The following PCCA variants were observed in gnomAD, a reference collection of about 807,000 sequenced individuals.
PCCA encodes propionyl-CoA carboxylase subunit alpha.
Under a neutral mutation model 101.3 loss-of-function variants are expected in PCCA, and 74 were observed. The observed-to-expected ratio is 0.73, with a 90% confidence interval of 0.61 to 0.89. The LOEUF (loss-of-function observed/expected upper bound fraction) is 0.89, where lower values mean the gene tolerates loss of function less well. Ranked by LOEUF, PCCA falls within the 40% of genes least tolerant of loss-of-function variation. The pLI is 0.00. For synonymous variants in PCCA, 294 were observed against 313.6 expected (o/e 0.94, Z 0.66); for missense variants, 891 against 907.0 (o/e 0.98, Z 0.23).
chr13:100,214,433 G>C (rs79832329), intron 7 of PCCA, among the ~76,000 whole-genome samples: 1 of 143,750 alleles, frequency 7.0e-6, no homozygotes, highest in South Asian at 2.2e-4. Context: ...GTGTGTGTGT[G>C]TTTTTTTTTT....
chr13:100,487,342 T>A (rs879153489), intron 21 of PCCA, among the ~76,000 whole-genome samples: 4 of 152,060 alleles, frequency 2.6e-5, no homozygotes, highest in Admixed American at 2.6e-4. Flanking sequence ...ACACCATGAA[T>A]TTTTTTTAAC....
At chr13:100,124,670 T>C (rs1301594920) in intron 4 of PCCA, among the ~76,000 whole-genome samples, 3 of 152,094 alleles carry the variant, frequency 2.0e-5, no homozygotes, top group Non-Finnish European at 4.4e-5. Flanking sequence ...CTGAACAAAC[T>C]GGAGGGTAAT....
chr13:100,203,569 C>T (rs891341190), intron 6 of PCCA, among the ~76,000 whole-genome samples: 1 of 151,902 alleles, frequency 6.6e-6, no homozygotes, highest in South Asian at 2.1e-4. Context: ...TGGGGGGTGC[C>T]TGTAGTCCCA....
intron 18 of PCCA, among the ~76,000 whole-genome samples, chr13:100,341,573 AGAG>A: frequency 6.6e-6 from 1 of 152,292 alleles, no homozygotes; most frequent in East Asian, 1.9e-4. Context: ...GGCAACTCTA[AGAG>A]GCTTTCCACC....
chr13:100,515,616 C>T (rs376688700), intron 22 of PCCA, 49 bp downstream of exon 22: 1 of 1,606,350 alleles, frequency 6.2e-7, no homozygotes, highest in Non-Finnish European at 8.5e-7. Flanking sequence ...CTCCAACTTC[C>T]CCTTCCAAAG....
chr13:100,484,673 A>AT (rs545929488), intron 21 of PCCA, among the ~76,000 whole-genome samples: 67 of 152,376 alleles, frequency 4.4e-4, no homozygotes, highest in Admixed American at 3.5e-3. Flanking sequence ...ATATTAACAC[A>AT]TATCAAATAG....
At chr13:100,216,589 A>G (rs2059534668) in intron 7 of PCCA, among the ~76,000 whole-genome samples, 1 of 152,228 alleles carries the variant, frequency 6.6e-6, no homozygotes, top group African/African-American at 2.4e-5. Flanking sequence ...ATAATATTCT[A>G]GGAGATAAAT....
intron 19 of PCCA, among the ~76,000 whole-genome samples, chr13:100,407,790 A>C (rs1456121583): frequency 6.6e-6 from 1 of 152,164 alleles, no homozygotes; most frequent in Non-Finnish European, 1.5e-5. Flanking sequence ...CATACCTTGC[A>C]TGTAAATCTA....
intron 19 of PCCA, among the ~76,000 whole-genome samples, chr13:100,395,353 T>A (rs1230902740): frequency 2.0e-5 from 3 of 152,218 alleles, no homozygotes; most frequent in African/African-American, 7.2e-5. Flanking sequence ...GACTCAGCAC[T>A]GCGTAACTGT....
chr13:100,357,029 C>T (rs1407605129), intron 18 of PCCA, among the ~76,000 whole-genome samples: 1 of 152,114 alleles, frequency 6.6e-6, no homozygotes, highest in East Asian at 1.9e-4. Context: ...ATAACAGTTG[C>T]TTAGGGCTGA....
chr13:100,295,509 A>G (rs1459236389), intron 12 of PCCA, among the ~76,000 whole-genome samples: 1 of 152,262 alleles, frequency 6.6e-6, no homozygotes, highest in Non-Finnish European at 1.5e-5. Context: ...ATTTAAAAGA[A>G]CATTATTTTG....
intron 19 of PCCA, among the ~76,000 whole-genome samples, chr13:100,424,174 A>G (rs1410959550): frequency 2.0e-5 from 3 of 152,248 alleles, no homozygotes; most frequent in Non-Finnish European, 2.9e-5. Flanking sequence ...ATTAGGTATT[A>G]TAATTCAAAG....
Position 100,330,673 on chromosome 13 carries a change from T to A in PCCA, c.1540+2T>A, listed in dbSNP as rs1555422449. ...ATGTGTATCCTGATGGCTTCAAAGG[T>A]TTGTATGCATTAAAATATTTTAGTG... On this transcript the variant is annotated splice_donor_variant, in intron 17 of 23. Coordinates refer to ENST00000376285, the MANE Select transcript of PCCA (RefSeq NM_000282.4). LOFTEE classifies it high-confidence loss of function. 1 of 1,474,188 alleles carries A rather than the reference T, an allele frequency of 6.8e-7. No individual in the cohort carries two copies. 91.3% of individuals were successfully genotyped at this position (1,474,188 alleles called of 1,614,324 possible).
At chr13:100,115,982 T>C (rs1425540934) in intron 4 of PCCA, among the ~76,000 whole-genome samples, 2 of 152,120 alleles carry the variant, frequency 1.3e-5, no homozygotes, top group Admixed American at 6.5e-5. Flanking sequence ...ATAATGATGG[T>C]GGGAATGTCA....
At chr13:100,410,054 C>A (rs573984587) in intron 19 of PCCA, among the ~76,000 whole-genome samples, 1 of 152,206 alleles carries the variant, frequency 6.6e-6, no homozygotes, top group Admixed American at 6.5e-5. Flanking sequence ...GCAACCATGC[C>A]CAGCCTGTCA....
At chr13:100,193,304 C>T (rs2057865937) in intron 6 of PCCA, among the ~76,000 whole-genome samples, 1 of 152,104 alleles carries the variant, frequency 6.6e-6, no homozygotes, top group Non-Finnish European at 1.5e-5. Flanking sequence ...TAGTGATGAC[C>T]ATTTATTTCC....
intron 18 of PCCA, among the ~76,000 whole-genome samples, chr13:100,356,057 T>C (rs2073927079): frequency 6.6e-6 from 1 of 152,136 alleles, no homozygotes; most frequent in Non-Finnish European, 1.5e-5. Context: ...GGCAATTGGA[T>C]ATGCACATGT....
intron 12 of PCCA, among the ~76,000 whole-genome samples, chr13:100,282,170 T>G (rs979216295): frequency 2.6e-4 from 39 of 152,248 alleles, no homozygotes; most frequent in African/African-American, 9.2e-4. Context: ...TGGGGGAAAT[T>G]AGCCCTTTGT....
chr13:100,339,088 C>T (rs2070928684), intron 17 of PCCA, among the ~76,000 whole-genome samples: 1 of 151,974 alleles, frequency 6.6e-6, no homozygotes. Context: ...TCCCCAGTGT[C>T]GTATTTACAT....
Sources: allele counts gnomAD v4.1 joint callset (sites outside exome capture counted in the v4.1 genomes callset), GRCh38; gene constraint gnomAD v4.1.1; transcripts MANE v1.5; gene names NCBI Gene and HGNC (gene_info 2026-07-23, HGNC 2026-07-21).